The following LRRN1 variants were observed in gnomAD, a reference collection of about 807,000 sequenced individuals.
The protein encoded by LRRN1 is leucine rich repeat neuronal 1.
Under a neutral mutation model 45.8 loss-of-function variants are expected in LRRN1, and 14 were observed. That is an observed-to-expected ratio of 0.31 (90% CI 0.20 to 0.48). The LOEUF (loss-of-function observed/expected upper bound fraction) is 0.48, where lower values mean the gene tolerates loss of function less well. Ranked by LOEUF, LRRN1 falls within the 20% of genes least tolerant of loss-of-function variation. LRRN1 has a pLI of 0.99. For synonymous variants in LRRN1, 359 were observed against 330.1 expected, an observed-to-expected ratio of 1.09 and a Z score of -0.95; for missense variants, 789 against 874.2, an observed-to-expected ratio of 0.90 and a Z score of 1.23.
intron 1 of LRRN1, among the ~76,000 whole-genome samples, chr3:3,824,933 C>T (rs539716596): frequency 3.1e-4 from 47 of 152,182 alleles, no homozygotes; most frequent in African/African-American, 1.1e-3. Context: ...ATCTGTAAGG[C>T]CGTCTCTACC....
chr3:3,813,788 T>C (rs905430308), intron 1 of LRRN1, among the ~76,000 whole-genome samples: 2 of 152,062 alleles, frequency 1.3e-5, no homozygotes, highest in Non-Finnish European at 2.9e-5. Context: ...AGAACGTCCT[T>C]TTGCAGAGGA....
rs35514612 is a variant in LRRN1 at position 3,837,332 on chromosome 3, T to TC, written c.-278-7023dup. ...TGGGGGCAAGGGCTTTATTACTCCT[T>TC]CCCCCCCCCATTTTATAACCCCACA... On this transcript the variant is annotated intron_variant, in intron 1 of 1. Coordinates refer to ENST00000319331, the MANE Select transcript of LRRN1 (RefSeq NM_020873.7). Among the ~76,000 whole-genome samples, 1,207 of 151,374 alleles carry TC rather than the reference T, an allele frequency of 8.0e-3. 60 individuals are homozygous for TC. The East Asian group carries it at 0.13, about 17-fold the overall frequency.
intron 1 of LRRN1, among the ~76,000 whole-genome samples, chr3:3,837,669 G>A (rs1255104773): frequency 6.6e-6 from 1 of 151,928 alleles, no homozygotes; most frequent in Non-Finnish European, 1.5e-5. Flanking sequence ...GGTGGGATCA[G>A]AGCAGTCTAG....
intron 1 of LRRN1, chr3:3,822,614 T>G (rs1023048650): frequency 1.3e-5 from 2 of 152,170 alleles, no homozygotes; most frequent in Admixed American, 1.3e-4. Flanking sequence ...TGTAGAGAGA[T>G]CACAAAGAAT....
At chr3:3,838,351 CA>C (rs1447460057) in intron 1 of LRRN1, among the ~76,000 whole-genome samples, 2 of 152,120 alleles carry the variant, frequency 1.3e-5, no homozygotes, top group African/African-American at 4.8e-5. Flanking sequence ...GCAAAATCAC[CA>C]AAAGCAATTG....
At chr3:3,836,586 A>G (rs570144014) in intron 1 of LRRN1, among the ~76,000 whole-genome samples, 1 of 152,140 alleles carries the variant, frequency 6.6e-6, no homozygotes, top group Non-Finnish European at 1.5e-5. Context: ...GTGTGTATGT[A>G]GTAGTGGTTT....
chr3:3,823,948 AGGTAGGAAAGAT>A (rs1047018862), intron 1 of LRRN1, among the ~76,000 whole-genome samples: 1 of 152,176 alleles, frequency 6.6e-6, no homozygotes, highest in Non-Finnish European at 1.5e-5. Flanking sequence ...CATCATTTAG[AGGTAGGAAAGAT>A]GGCTAACATG....
intron 1 of LRRN1, among the ~76,000 whole-genome samples, chr3:3,835,935 A>G (rs116793567): frequency 6.6e-6 from 1 of 152,176 alleles, no homozygotes; most frequent in Non-Finnish European, 1.5e-5. Flanking sequence ...TCCCGTGCCA[A>G]TTCTGGGCCT....
chr3:3,819,532 C>T (rs1693058373), intron 1 of LRRN1, among the ~76,000 whole-genome samples: 1 of 152,130 alleles, frequency 6.6e-6, no homozygotes, highest in Admixed American at 6.6e-5. Flanking sequence ...CCTTTGTTTA[C>T]AGCTGTGGAA....
chr3:3,806,675 T>C (rs1473316954), intron 1 of LRRN1, among the ~76,000 whole-genome samples: 2 of 152,206 alleles, frequency 1.3e-5, no homozygotes, highest in African/African-American at 4.8e-5. Context: ...TTGACAAAGC[T>C]GTCACTGCCT....
At chr3:3,810,590 C>T (rs193036107) in intron 1 of LRRN1, among the ~76,000 whole-genome samples, 1 of 152,256 alleles carries the variant, frequency 6.6e-6, no homozygotes, top group African/African-American at 2.4e-5. Context: ...ACCTGTAGTC[C>T]CAGTTACTTG....
At chr3:3,842,512 C>G (rs538651114) in intron 1 of LRRN1, among the ~76,000 whole-genome samples, 44 of 151,810 alleles carry the variant, frequency 2.9e-4, no homozygotes, top group South Asian at 2.1e-3. Context: ...AAATACATAA[C>G]TTTTAGTATT....
At position 3,841,528 on chromosome 3, in the gene LRRN1, T is replaced by G. The variant is rs373846502; in HGVS notation, c.-278-2836T>G. Among the ~76,000 whole-genome samples, 231 of 150,924 alleles carry G rather than the reference T, an allele frequency of 1.5e-3. 2 individuals carry two copies. The highest frequency in any genetic ancestry group is 5.3e-3 in the African/African-American group (213 of 40,282). ...CTCTGTGGTATGTTTTCTTTTCTTTTGTTTTTTTAAGACAGGGTCTTGCTC... is the reference window on the plus strand; with the variant it reads ...CTCTGTGGTATGTTTTCTTTTCTTTGGTTTTTTTAAGACAGGGTCTTGCTC... On this transcript the variant is annotated intron_variant, in intron 1 of 1. Transcript: ENST00000319331.
At chr3:3,836,554 T>A (rs926953430) in intron 1 of LRRN1, among the ~76,000 whole-genome samples, 2 of 152,076 alleles carry the variant, frequency 1.3e-5, no homozygotes, top group Non-Finnish European at 1.5e-5. Context: ...CACACCACAT[T>A]TTCGTGTGTG....
chr3:3,804,862 A>G (rs1692723205), intron 1 of LRRN1, among the ~76,000 whole-genome samples: 1 of 151,762 alleles, frequency 6.6e-6, no homozygotes, highest in African/African-American at 2.4e-5. Flanking sequence ...AAGGAAAACT[A>G]TTTAAAGTTT....
At chr3:3,812,750 A>T (rs1354476420) in intron 1 of LRRN1, among the ~76,000 whole-genome samples, 1 of 151,198 alleles carries the variant, frequency 6.6e-6, no homozygotes, top group African/African-American at 2.4e-5. Context: ...CCAGGAAGAA[A>T]GTTTCTCCTC....
rs780057573 is a variant in LRRN1, at chr3:3,844,688, G to A, written c.47G>A (p.Gly16Asp). 8 of 1,614,058 alleles carry A rather than the reference G, an allele frequency of 5.0e-6. No homozygotes were observed. Among genetic ancestry groups the A allele is most frequent in the Middle Eastern group, 1.7e-4 (1 of 6,060 alleles). ...ATAGCAGCTTGCCAATTGGTGCTGG[G>A]CCTACTAATGACTTCATTAACCGAG... is the stretch of plus-strand genomic sequence containing the variant. ...FVIAACQLVL[G>D]LLMTSLTESS... Residue 16 changes from glycine to aspartate, a missense_variant, in exon 2 of 2, where the codon GGC becomes GAC. Coordinates refer to ENST00000319331, the MANE Select transcript of LRRN1 (RefSeq NM_020873.7).
chr3:3,829,890 G>A (rs987432419), intron 1 of LRRN1, among the ~76,000 whole-genome samples: 5 of 152,168 alleles, frequency 3.3e-5, no homozygotes, highest in Non-Finnish European at 7.3e-5. Flanking sequence ...TTTCATGATG[G>A]AAGAGGTCCA....
At chr3:3,841,074 C>T (rs549024603) in intron 1 of LRRN1, among the ~76,000 whole-genome samples, 10 of 152,128 alleles carry the variant, frequency 6.6e-5, no homozygotes, top group South Asian at 6.2e-4. Flanking sequence ...CCGAAGTGGA[C>T]GGATAACGAA....
Sources: gnomAD v4.1 joint callset for allele counts (sites outside exome capture counted in the v4.1 genomes callset) on GRCh38, gnomAD v4.1.1 for gene constraint, MANE v1.5 for transcripts, NCBI Gene and HGNC (gene_info 2026-07-23, HGNC 2026-07-21) for gene names.